Variants in FHIP1A observed in about 807,000 individuals in gnomAD.
The protein encoded by FHIP1A is FHF complex subunit HOOK-interacting protein 1A.
Under a neutral mutation model 88.6 loss-of-function variants are expected in FHIP1A, and 61 were observed. That is an observed-to-expected ratio of 0.69 (90% CI 0.56 to 0.85). The LOEUF is 0.85. Among genes scored for constraint, FHIP1A ranks in the 40% least tolerant of loss-of-function variants. The pLI is 0.00. For missense variants in FHIP1A, 1,154 were observed against 1,273.5 expected (o/e 0.91, Z 1.43); for synonymous variants, 478 against 496.0 (o/e 0.96, Z 0.48).
chr4:151,557,460 A>G (rs1578749859), intron 3 of FHIP1A, among the ~76,000 whole-genome samples: 2 of 152,336 alleles, frequency 1.3e-5, no homozygotes, highest in South Asian at 4.1e-4. Context: ...ATTGATACAC[A>G]CATGCTAATT....
chr4:151,511,591 G>A lies in FHIP1A; in HGVS notation c.-123+28943G>A, dbSNP rs555602424. Among the ~76,000 whole-genome samples, 25 of 152,334 alleles carry A rather than the reference G, an allele frequency of 1.6e-4. No individual in the cohort carries two copies. The East Asian group carries it at 4.4e-3, about 27-fold the overall frequency. On this transcript the variant is annotated intron_variant, in intron 3 of 13. Transcript: ENST00000435205. ...CGGGTCACTCCCACCCTAATACTGC[G>A]CTTTTCCCATGGGCTTAAAAAACGG...
At chr4:151,418,765 A>G (rs1427005897) in intron 1 of FHIP1A, among the ~76,000 whole-genome samples, 2 of 152,234 alleles carry the variant, frequency 1.3e-5, no homozygotes, top group Admixed American at 1.3e-4. Context: ...AAAGTAAACC[A>G]TAAGGAGTTG....
intron 7 of FHIP1A, among the ~76,000 whole-genome samples, chr4:151,605,354 T>C (rs80295373): frequency 6.6e-6 from 1 of 152,284 alleles, no homozygotes; most frequent in East Asian, 1.9e-4. Context: ...GTGAATGTGC[T>C]GAAGTAAGAG....
intron 2 of FHIP1A, among the ~76,000 whole-genome samples, chr4:151,480,854 C>A (rs1340944918): frequency 6.6e-6 from 1 of 151,428 alleles, no homozygotes; most frequent in East Asian, 1.9e-4. Context: ...TTTCTTTTCA[C>A]GAATATTTGT....
At chr4:151,653,023 C>T (rs1737089303) in intron 11 of FHIP1A, among the ~76,000 whole-genome samples, 1 of 151,930 alleles carries the variant, frequency 6.6e-6, no homozygotes, top group African/African-American at 2.4e-5. Context: ...AGGTTGGTGC[C>T]AGGAAAAACA....
rs1461965447 is a variant in FHIP1A, at chr4:151,588,941, C to T, written c.978+15C>T. ...CTCTCCATAAGGTCAGTGATTGGCTCATGTAATCTTCTGTCTCTATAATAC... is the reference window on the plus strand; with the variant it reads ...CTCTCCATAAGGTCAGTGATTGGCTTATGTAATCTTCTGTCTCTATAATAC... On this transcript the variant is annotated intron_variant, in intron 7 of 13. Coordinates refer to ENST00000435205, the MANE Select transcript of FHIP1A (RefSeq NM_001109977.3). 24 of 1,479,416 alleles carry T rather than the reference C, an allele frequency of 1.6e-5. No homozygotes were observed. Among genetic ancestry groups the T allele is most frequent in the Non-Finnish European group, 2.2e-5 (24 of 1,081,504 alleles). 91.6% of individuals were successfully genotyped at this position (1,479,416 alleles called of 1,614,324 possible).
At chr4:151,482,709 T>C (rs1235800245) in intron 3 of FHIP1A, 61 bp downstream of exon 3, 1 of 148,812 alleles carries the variant, frequency 6.7e-6, no homozygotes, top group Non-Finnish European at 1.5e-5. Context: ...TAATATGTTA[T>C]ACTTTTTTTT....
chr4:151,590,611 C>A (rs1734389821), intron 7 of FHIP1A, among the ~76,000 whole-genome samples: 1 of 152,176 alleles, frequency 6.6e-6, no homozygotes, highest in South Asian at 2.1e-4. Flanking sequence ...TGGGATATCT[C>A]CAATGCTGAG....
intron 3 of FHIP1A, among the ~76,000 whole-genome samples, chr4:151,559,840 T>C (rs1410473829): frequency 6.6e-6 from 1 of 152,180 alleles, no homozygotes; most frequent in African/African-American, 2.4e-5. Context: ...GTGACTTTCA[T>C]GAGATGAGTT....
At chr4:151,659,811 G>A (rs954565223) in intron 13 of FHIP1A, among the ~76,000 whole-genome samples, 10 of 152,154 alleles carry the variant, frequency 6.6e-5, no homozygotes, top group South Asian at 2.1e-4. Flanking sequence ...CCTCACTAAT[G>A]CTTCCAACAG....
chr4:151,527,653 G>A (rs891428639), intron 3 of FHIP1A, among the ~76,000 whole-genome samples: 4 of 152,094 alleles, frequency 2.6e-5, no homozygotes, highest in African/African-American at 9.7e-5. Context: ...GTAACACAGG[G>A]GCTGAGAAGT....
chr4:151,608,343 C>T (rs1735166041), intron 7 of FHIP1A, among the ~76,000 whole-genome samples: 1 of 152,094 alleles, frequency 6.6e-6, no homozygotes, highest in Admixed American at 6.5e-5. Context: ...CCACGTCCGA[C>T]CCCTAACTTT....
intron 3 of FHIP1A, among the ~76,000 whole-genome samples, chr4:151,539,753 T>C (rs1485587717): frequency 2.0e-5 from 3 of 152,080 alleles, no homozygotes; most frequent in Admixed American, 1.3e-4. Context: ...CTCCCACTGC[T>C]GAGTTGTGTG....
chr4:151,444,891 TGG>T (rs1445016104), intron 1 of FHIP1A, among the ~76,000 whole-genome samples: 1 of 152,206 alleles, frequency 6.6e-6, no homozygotes, highest in African/African-American at 2.4e-5. Flanking sequence ...AAAATGTGTG[TGG>T]GTATTTCTCA....
chr4:151,574,762 A>G (rs1478702506), intron 4 of FHIP1A, among the ~76,000 whole-genome samples: 1 of 152,158 alleles, frequency 6.6e-6, no homozygotes, highest in Non-Finnish European at 1.5e-5. Context: ...TCAATCATAT[A>G]TCTACTTGGC....
At chr4:151,606,163 C>T (rs866220540) in intron 7 of FHIP1A, among the ~76,000 whole-genome samples, 3 of 152,194 alleles carry the variant, frequency 2.0e-5, no homozygotes, top group Non-Finnish European at 2.9e-5. Flanking sequence ...CCTCATGCCT[C>T]TCTAGTCTGG....
At chr4:151,521,140 G>T (rs1308647071) in intron 3 of FHIP1A, among the ~76,000 whole-genome samples, 1 of 152,126 alleles carries the variant, frequency 6.6e-6, no homozygotes, top group South Asian at 2.1e-4. Flanking sequence ...TTTTATGTGT[G>T]TATAAATAAA....
intron 3 of FHIP1A, among the ~76,000 whole-genome samples, chr4:151,536,741 G>C (rs1269574820): frequency 6.6e-6 from 1 of 152,044 alleles, no homozygotes; most frequent in African/African-American, 2.4e-5. Context: ...CTGGTTTTTG[G>C]CTCTTAGAAA....
intron 7 of FHIP1A, among the ~76,000 whole-genome samples, chr4:151,602,343 C>G (rs2126831228): frequency 6.6e-6 from 1 of 152,208 alleles, no homozygotes; most frequent in South Asian, 2.1e-4. Flanking sequence ...GTTCAAAGAC[C>G]ATTTAGTCAG....
Sources: allele counts gnomAD v4.1 joint callset (sites outside exome capture counted in the v4.1 genomes callset), GRCh38; gene constraint gnomAD v4.1.1; transcripts MANE v1.5; gene names NCBI Gene and HGNC (gene_info 2026-07-23, HGNC 2026-07-21).